OR9K2: variants seen among roughly 807,000 people sequenced by gnomAD.
OR9K2 encodes the protein olfactory receptor 9K2.
OR9K2 carries 16 observed loss-of-function variants against 12.4 expected under a neutral mutation model. The ratio of observed to expected loss-of-function variants is 1.29; its 90% confidence interval spans 0.87 to 1.95. The LOEUF is 1.95. Among genes scored for constraint, OR9K2 ranks in the 30% most tolerant of loss-of-function variants. The probability of loss-of-function intolerance (pLI) is 0.00; values close to 1 mark genes in which losing one functional copy is unlikely to be tolerated. For synonymous variants in OR9K2, 133 were observed against 133.2 expected, an observed-to-expected ratio of 1.00 and a Z score of 0.01; for missense variants, 434 against 376.5, an observed-to-expected ratio of 1.15 and a Z score of -1.26.
rs1431103241 is a variant in OR9K2 at position 55,131,920 on chromosome 12, TAA to T, written c.*1146_*1147del. The T allele has an allele frequency of 2.6e-5, 4 of 152,164 alleles. No homozygotes were observed. The highest frequency in any genetic ancestry group is 5.9e-5 in the Non-Finnish European group (4 of 68,030). The allele number at this position is 152,164 out of a possible 1,614,324, so 9.4% of individuals were successfully genotyped here. A position where few individuals can be genotyped will look rare whatever the true frequency, so the allele number is the denominator to read the frequency against. ...TATTAATGAACAAAGGCAGATTTTT[TAA>T]ACTGCAGGTAAAAGACCCAAAATAT... is the stretch of plus-strand genomic sequence containing the variant. On this transcript the variant is annotated 3_prime_UTR_variant, in exon 3 of 3. Transcript: ENST00000641329.
rs774182508 is a variant in OR9K2, at chr12:55,129,898, G to A, written c.64G>A (p.Val22Ile). The change falls in exon 3 of 3, where the codon GTA becomes ATA. Residue 22 changes from valine (V) to isoleucine (I), a missense_variant. Coordinates refer to ENST00000641329, the MANE Select transcript of OR9K2 (RefSeq NM_001005243.2). ...MTDFILAGFR[V>I]RPELHILLFL... Reference sequence around the variant, plus strand: ...TGACTTCATTCTTGCAGGCTTCAGGGTACGCCCAGAGCTCCACATTCTCCT... The same window carrying A: ...TGACTTCATTCTTGCAGGCTTCAGGATACGCCCAGAGCTCCACATTCTCCT... 4 of 1,613,816 alleles carry A rather than the reference G, an allele frequency of 2.5e-6. No individual in the cohort carries two copies. Among genetic ancestry groups the A allele is most frequent in the Admixed American group, 1.7e-5 (1 of 59,974 alleles).
Position 55,130,440 on chromosome 12 carries a change from T to C in OR9K2, c.606T>C (p.Ser202=), listed in dbSNP as rs1338062239. The part of the protein sequence containing the change: ...CSDLFIHRMI[S]FSLSCIIILP... ...ATCTCTTTATCCATAGAATGATATC[T>C]TTTTCCTTATCATGTATTATTATCT... The change falls in exon 3 of 3, where the codon TCT becomes TCC. Residue 202 remains serine, a synonymous_variant. Transcript: ENST00000641329. 1 of 1,613,512 alleles carries C rather than the reference T, an allele frequency of 6.2e-7. No homozygotes were observed. Among genetic ancestry groups the C allele is most frequent in the Non-Finnish European group, 8.5e-7 (1 of 1,179,694 alleles).
chr12:55,130,336 A>T lies in OR9K2; in HGVS notation c.502A>T (p.Thr168Ser), dbSNP rs762989299. ...SSVIQTSMTF[T>S]LSFCASRAVD... Reference sequence around the variant, plus strand: ...AGTTATTCAGACTAGCATGACATTTACTTTATCTTTTTGCGCTTCTCGGGC... The same window carrying T: ...AGTTATTCAGACTAGCATGACATTTTCTTTATCTTTTTGCGCTTCTCGGGC... The change falls in exon 3 of 3, where the codon ACT becomes TCT. Residue 168 changes from threonine (T) to serine (S), a missense_variant. By Grantham distance (58) the Thr-to-Ser change is moderately conservative (BLOSUM62 1). Transcript: ENST00000641329. 4.3e-6 allele frequency: 7 copies of T among 1,613,824 alleles called. No individual in the cohort carries two copies. The highest frequency in any genetic ancestry group is 1.6e-4 in the Middle Eastern group (1 of 6,082).
At position 55,130,065 on chromosome 12, in the gene OR9K2, A is replaced by G. The variant is rs1953459131; in HGVS notation, c.231A>G (p.Ser77=). The G allele has an allele frequency of 6.2e-7, 1 of 1,612,480 alleles. No homozygotes were observed. Among genetic ancestry groups the G allele is most frequent in the Non-Finnish European group, 8.5e-7 (1 of 1,179,920 alleles). Reference sequence around the variant, plus strand: ...TCTCCTTCATTGATCTTTTCTATTCATCTGTTATTGAACCCAAGGCTATGA... The same window carrying G: ...TCTCCTTCATTGATCTTTTCTATTCGTCTGTTATTGAACCCAAGGCTATGA... ...GNLSFIDLFY[S]SVIEPKAMIN... is the part of the protein sequence containing the mutation. The change falls in exon 3 of 3, where the codon TCA becomes TCG. Residue 77 remains serine (S), a synonymous_variant. Coordinates refer to ENST00000641329, the MANE Select transcript of OR9K2 (RefSeq NM_001005243.2).
Position 55,132,667 on chromosome 12 carries a change from A to G in OR9K2, c.*1891A>G, listed in dbSNP as rs1024823875. 2 of 152,228 alleles carry G rather than the reference A, an allele frequency of 1.3e-5. No homozygotes were observed. Among genetic ancestry groups the G allele is most frequent in the South Asian group, 4.1e-4 (2 of 4,834 alleles). The allele number at this position is 152,228 out of a possible 1,614,324, so 9.4% of individuals were successfully genotyped here. A position where few individuals can be genotyped will look rare whatever the true frequency, so the allele number is the denominator to read the frequency against. On this transcript the variant is annotated 3_prime_UTR_variant, in exon 3 of 3. Coordinates refer to ENST00000641329, the MANE Select transcript of OR9K2 (RefSeq NM_001005243.2). Reference sequence around the variant, plus strand: ...ATGGGATCTCCAGCAAATTCATACAAATAGGTCTATAAATTGGAAAAGAAG... The same window carrying G: ...ATGGGATCTCCAGCAAATTCATACAGATAGGTCTATAAATTGGAAAAGAAG...
At position 55,132,692 on chromosome 12, in the gene OR9K2, G is replaced by T. The variant is rs1953483538; in HGVS notation, c.*1916G>T. On this transcript the variant is annotated 3_prime_UTR_variant, in exon 3 of 3. Transcript: ENST00000641329. ...AATAGGTCTATAAATTGGAAAAGAA[G>T]AGAAAACGTTCCTTGTTTGCAGATA... The T allele has an allele frequency of 1.3e-5, 2 of 152,170 alleles. No homozygotes were observed. Among genetic ancestry groups the T allele is most frequent in the Non-Finnish European group, 2.9e-5 (2 of 68,028 alleles). 9.4% of individuals were successfully genotyped at this position (152,170 alleles called of 1,614,324 possible). A position where few individuals can be genotyped will look rare whatever the true frequency, so the allele number is the denominator to read the frequency against.
In OR9K2 at chr12:55,132,316, T is replaced by C. The variant is rs996821384; in HGVS notation, c.*1540T>C. The C allele has an allele frequency of 7.9e-5, 12 of 152,220 alleles. No homozygotes were observed. Among genetic ancestry groups the C allele is most frequent in the African/African-American group, 2.9e-4 (12 of 41,460 alleles). The allele number at this position is 152,220 out of a possible 1,614,324, so 9.4% of individuals were successfully genotyped here. A position where few individuals can be genotyped will look rare whatever the true frequency, so the allele number is the denominator to read the frequency against. ...ATTCATGTGTTGAAGCCCTAAACCC[T>C]AGTACTTCAGAATGTGACTTTAATT... is the stretch of plus-strand genomic sequence containing the variant. On this transcript the variant is annotated 3_prime_UTR_variant, in exon 3 of 3. Coordinates refer to ENST00000641329, the MANE Select transcript of OR9K2 (RefSeq NM_001005243.2).
rs7305779 is a variant in OR9K2, at chr12:55,130,076, A to C, written c.242A>C (p.Glu81Ala). 0.31 allele frequency: 493,743 copies of C among 1,611,848 alleles called. 78,117 individuals are homozygous for C. The highest frequency in any genetic ancestry group is 0.4 in the African/African-American group (30,242 of 74,870). Reference protein sequence around the residue: ...FIDLFYSSVIEPKAMINFWSE... With the variant: ...FIDLFYSSVIAPKAMINFWSE... ...GATCTTTTCTATTCATCTGTTATTG[A>C]ACCCAAGGCTATGATCAACTTCTGG... The change falls in exon 3 of 3, where the codon GAA (glutamate) becomes GCA (alanine). Residue 81 changes from glutamate (E) to alanine (A), a missense_variant. By Grantham distance (107) the Glu-to-Ala change is moderately radical (BLOSUM62 -1). Coordinates refer to ENST00000641329, the MANE Select transcript of OR9K2 (RefSeq NM_001005243.2).
Position 55,131,683 on chromosome 12 carries a change from T to C in OR9K2, c.*907T>C, listed in dbSNP as rs1046517561. 6.6e-6 allele frequency: 1 copy of C among 152,172 alleles called. No individual in the cohort carries two copies. The highest frequency in any genetic ancestry group is 1.5e-5 in the Non-Finnish European group (1 of 68,016). The allele number at this position is 152,172 out of a possible 1,614,324, so 9.4% of individuals were successfully genotyped here. On this transcript the variant is annotated 3_prime_UTR_variant, in exon 3 of 3. Transcript: ENST00000641329. ...TTTGAAAGTTTAAAAGTTAGTGAGA[T>C]ACTGAAATCCTTGGGCATAAAACCA...
In OR9K2 at chr12:55,132,521, G is replaced by A. The variant is rs1389904130; in HGVS notation, c.*1745G>A. 2 of 152,256 alleles carry A rather than the reference G, an allele frequency of 1.3e-5. No homozygotes were observed. Among genetic ancestry groups the A allele is most frequent in the Non-Finnish European group, 2.9e-5 (2 of 68,062 alleles). The allele number at this position is 152,256 out of a possible 1,614,324, so 9.4% of individuals were successfully genotyped here. On this transcript the variant is annotated 3_prime_UTR_variant, in exon 3 of 3. Coordinates refer to ENST00000641329, the MANE Select transcript of OR9K2 (RefSeq NM_001005243.2). ...TCAACAAGAGGGCAGCCATCTGCAA[G>A]CTAAGGAAAGAGGGCTCAGAGAAAA... is the stretch of plus-strand genomic sequence containing the variant.
Position 55,130,276 on chromosome 12 carries a change from G to T in OR9K2, c.442G>T (p.Val148Leu). Residue 148 changes from valine to leucine, a missense_variant, in exon 3 of 3, where the codon GTG (valine) becomes TTG (leucine). By Grantham distance (32) the Val-to-Leu change is conservative. Coordinates refer to ENST00000641329, the MANE Select transcript of OR9K2 (RefSeq NM_001005243.2). ...QMSTRLCTQL[V>L]AGSYFCGCIS... is the part of the protein sequence containing the mutation. ...GTCCACACGTCTGTGTACTCAGTTG[G>T]TGGCTGGTTCCTATTTTTGTGGCTG... 6.2e-7 allele frequency: 1 copy of T among 1,613,960 alleles called. No individual in the cohort carries two copies. The highest frequency in any genetic ancestry group is 1.1e-5 in the South Asian group (1 of 91,062).
At chr12:55,129,752 A>G (rs779147407) in intron 2 of OR9K2, 74 bp from the exon 3 acceptor site, 8 of 1,569,474 alleles carry the variant, frequency 5.1e-6, no homozygotes, top group South Asian at 4.5e-5. Context: ...TCCTAATACC[A>G]TAAGAGATTA....
At chr12:55,129,790 G>A in intron 2 of OR9K2, 36 bp from the exon 3 acceptor site, 1 of 1,595,114 alleles carries the variant, frequency 6.3e-7, no homozygotes, top group Non-Finnish European at 8.5e-7. Context: ...CAAACCAAGA[G>A]TTCATTTGTA....
intron 2 of OR9K2, 101 bp downstream of exon 2, chr12:55,127,012 A>T (rs918594632): frequency 6.6e-6 from 1 of 152,064 alleles, no homozygotes; most frequent in African/African-American, 2.4e-5. Context: ...CAGGTAAAAA[A>T]TGTCATCAGC....
At position 55,130,392 on chromosome 12, in the gene OR9K2, A is replaced by T. The variant is rs571679024; in HGVS notation, c.558A>T (p.Pro186=). ...ACCACTTTTACTGTGATTCTCGCCC[A>T]CTTCAGAGACTGTCTTGTTCTGATC... is the stretch of plus-strand genomic sequence containing the variant. ...AVDHFYCDSR[P]LQRLSCSDLF... Residue 186 remains proline, a synonymous_variant, in exon 3 of 3, where the codon CCA becomes CCT. Transcript: ENST00000641329. The T allele has an allele frequency of 1.9e-6, 3 of 1,614,012 alleles. No individual in the cohort carries two copies. In the African/African-American group the frequency reaches 4.0e-5, roughly 22 times the overall value.
intron 2 of OR9K2, among the ~76,000 whole-genome samples, chr12:55,127,129 A>G (rs1953434706): frequency 6.6e-6 from 1 of 151,942 alleles, no homozygotes; most frequent in African/African-American, 2.4e-5. Context: ...CATACTCATT[A>G]TCATTCAGCT....
chr12:55,130,641 T>A lies in OR9K2; in HGVS notation c.807T>A (p.Pro269=). 6.2e-7 allele frequency: 1 copy of A among 1,613,868 alleles called. No individual in the cohort carries two copies. Among genetic ancestry groups the A allele is most frequent in the Non-Finnish European group, 8.5e-7 (1 of 1,179,798 alleles). ...TGTATCTCACTCCTGACAGATTTCCTGAGCTGAGTAAAGTGGCATCCTTAT... is the reference window on the plus strand; with the variant it reads ...TGTATCTCACTCCTGACAGATTTCCAGAGCTGAGTAAAGTGGCATCCTTAT... ...FFMYLTPDRF[P]ELSKVASLCY... Residue 269 remains proline (P), a synonymous_variant, in exon 3 of 3, where the codon CCT becomes CCA. Coordinates refer to ENST00000641329, the MANE Select transcript of OR9K2 (RefSeq NM_001005243.2).
In OR9K2 at chr12:55,132,035, T is replaced by C. The variant is rs1953478107; in HGVS notation, c.*1259T>C. The C allele has an allele frequency of 6.6e-6, 1 of 152,172 alleles. No individual in the cohort carries two copies. The highest frequency in any genetic ancestry group is 6.5e-5 in the Admixed American group (1 of 15,270). 9.4% of individuals were successfully genotyped at this position (152,172 alleles called of 1,614,324 possible). A position where few individuals can be genotyped will look rare whatever the true frequency, so the allele number is the denominator to read the frequency against. ...AGTGTGTGCATGGTCATGGTCTGAA[T>C]AGATAAAAAGTATAGGAGCTCTCAG... On this transcript the variant is annotated 3_prime_UTR_variant, in exon 3 of 3. Coordinates refer to ENST00000641329, the MANE Select transcript of OR9K2 (RefSeq NM_001005243.2).
intron 2 of OR9K2, among the ~76,000 whole-genome samples, chr12:55,128,754 C>T (rs1953445992): frequency 6.6e-6 from 1 of 151,910 alleles, no homozygotes; most frequent in South Asian, 2.1e-4. Context: ...TCTATTTGAG[C>T]AGTAATGAGT....
Sources: allele counts gnomAD v4.1 joint callset (sites outside exome capture counted in the v4.1 genomes callset), GRCh38; gene constraint gnomAD v4.1.1; transcripts MANE v1.5; gene names NCBI Gene and HGNC (gene_info 2026-07-23, HGNC 2026-07-21).